SETBP1: variants seen among roughly 807,000 people sequenced by gnomAD.
SETBP1 encodes the protein SET binding protein 1.
A neutral mutation model predicts 101.0 loss-of-function variants in SETBP1; 9 were observed. The ratio of observed to expected loss-of-function variants is 0.09; its 90% CI spans 0.05 to 0.16. The LOEUF is 0.16. Among genes scored for constraint, SETBP1 ranks in the 10% least tolerant of loss-of-function variants. The pLI is 1.00. For missense variants in SETBP1, 1,858 were observed against 2,033.8 expected (o/e 0.91, Z 1.66); for synonymous variants, 818 against 788.5 (o/e 1.04, Z -0.63).
chr18:44,919,888 C>A lies in SETBP1; in HGVS notation c.541-29993C>A, dbSNP rs571074514. Among the ~76,000 whole-genome samples, 3 of 152,146 alleles carry A rather than the reference C, an allele frequency of 2.0e-5. No homozygotes were observed. The East Asian group carries it at 5.8e-4, about 29-fold the overall frequency. ...ATATATCTCTGTCTGTGTAAACACACACACATATAGATATAAACATAGTTT... is the reference window on the plus strand; with the variant it reads ...ATATATCTCTGTCTGTGTAAACACAAACACATATAGATATAAACATAGTTT... On this transcript the variant is annotated intron_variant, in intron 3 of 5. Transcript: ENST00000649279.
intron 4 of SETBP1, among the ~76,000 whole-genome samples, chr18:45,000,109 G>A (rs985672770): frequency 6.6e-6 from 1 of 152,246 alleles, no homozygotes; most frequent in Non-Finnish European, 1.5e-5. Flanking sequence ...TCATTGGCAT[G>A]AATGCCAACA....
chr18:44,702,217 G>A (rs1003214758), intron 2 of SETBP1, among the ~76,000 whole-genome samples: 4 of 152,274 alleles, frequency 2.6e-5, no homozygotes, highest in South Asian at 2.1e-4. Context: ...CATCCTCATC[G>A]TCTTCATGGT....
chr18:44,822,654 T>A (rs1261591593), intron 2 of SETBP1, among the ~76,000 whole-genome samples: 5 of 152,210 alleles, frequency 3.3e-5, no homozygotes, highest in Admixed American at 3.3e-4. Context: ...CTGCCTCCGC[T>A]AAAGATACTG....
chr18:44,936,591 G>T lies in SETBP1; in HGVS notation c.541-13290G>T, dbSNP rs1243256257. Among the ~76,000 whole-genome samples the T allele has an allele frequency of 2.0e-5, 3 of 152,272 alleles. No homozygotes were observed. In the East Asian group the frequency reaches 5.8e-4, roughly 29 times the overall value. ...ACCACGGGGAAGCCCCTGGAAGCCTGCTAAAAACAGCCATAGGAGGGGGTG... is the reference window on the plus strand; with the variant it reads ...ACCACGGGGAAGCCCCTGGAAGCCTTCTAAAAACAGCCATAGGAGGGGGTG... On this transcript the variant is annotated intron_variant, in intron 3 of 5. Coordinates refer to ENST00000649279, the MANE Select transcript of SETBP1 (RefSeq NM_015559.3).
intron 4 of SETBP1, among the ~76,000 whole-genome samples, chr18:44,993,445 TAA>T (rs2072423520): frequency 1.3e-5 from 2 of 152,034 alleles, no homozygotes; most frequent in South Asian, 2.1e-4. Flanking sequence ...AATAAAAGTA[TAA>T]GACTAAAAGT....
At chr18:44,997,297 C>G (rs143759558) in intron 4 of SETBP1, among the ~76,000 whole-genome samples, 2 of 152,120 alleles carry the variant, frequency 1.3e-5, no homozygotes, top group African/African-American at 4.8e-5. Flanking sequence ...CCTGCCATCT[C>G]GGGACTGCAC....
At chr18:44,741,237 G>C (rs1267046018) in intron 2 of SETBP1, among the ~76,000 whole-genome samples, 1 of 152,192 alleles carries the variant, frequency 6.6e-6, no homozygotes, top group Non-Finnish European at 1.5e-5. Flanking sequence ...GGTCCAGAGA[G>C]GAGATAGGCA....
At chr18:45,027,789 A>C (rs1009678902) in intron 4 of SETBP1, among the ~76,000 whole-genome samples, 1 of 152,190 alleles carries the variant, frequency 6.6e-6, no homozygotes, top group Non-Finnish European at 1.5e-5. Context: ...ACATAAATGC[A>C]TCATCTTTCA....
intron 3 of SETBP1, among the ~76,000 whole-genome samples, chr18:44,943,300 T>A (rs1568229580): frequency 6.6e-6 from 1 of 152,194 alleles, no homozygotes; most frequent in Non-Finnish European, 1.5e-5. Context: ...CTGTTGGGGG[T>A]TTAGGGGTTA....
chr18:44,754,084 C>A (rs2070443368), intron 2 of SETBP1, among the ~76,000 whole-genome samples: 1 of 152,200 alleles, frequency 6.6e-6, no homozygotes, highest in South Asian at 2.1e-4. Flanking sequence ...CAAACCAGTT[C>A]TATCCTCTGT....
chr18:45,046,021 G>T (rs2073605303), intron 5 of SETBP1, among the ~76,000 whole-genome samples: 1 of 151,752 alleles, frequency 6.6e-6, no homozygotes, highest in South Asian at 2.1e-4. Flanking sequence ...AGAACCACAA[G>T]GTCAAGTTGA....
intron 3 of SETBP1, among the ~76,000 whole-genome samples, chr18:44,912,077 T>G (rs1459774490): frequency 6.6e-6 from 1 of 152,160 alleles, no homozygotes; most frequent in Non-Finnish European, 1.5e-5. Flanking sequence ...TGGAGTCTGT[T>G]TCTGAGGGAA....
chr18:44,801,096 A>T (rs925933545), intron 2 of SETBP1, among the ~76,000 whole-genome samples: 3 of 152,154 alleles, frequency 2.0e-5, no homozygotes, highest in African/African-American at 7.2e-5. Flanking sequence ...ACACTTGGAC[A>T]TAGGAAGGGG....
chr18:44,889,559 T>C (rs1488050650), intron 3 of SETBP1, among the ~76,000 whole-genome samples: 6 of 152,070 alleles, frequency 3.9e-5, no homozygotes, highest in Non-Finnish European at 8.8e-5. Context: ...AAGGGAGTGG[T>C]GATGGTGTCT....
intron 2 of SETBP1, among the ~76,000 whole-genome samples, chr18:44,813,699 A>G (rs939216829): frequency 7.9e-5 from 12 of 152,242 alleles, no homozygotes; most frequent in African/African-American, 2.9e-4. Flanking sequence ...TCCAGCTTGT[A>G]TTCAGGAATT....
chr18:45,005,977 C>T (rs181547413), intron 4 of SETBP1, among the ~76,000 whole-genome samples: 1,467 of 99,172 alleles, frequency 0.015, 35 homozygotes, highest in African/African-American at 0.056. Context: ...TTTTTGAGAC[C>T]GAGTCTGACT....
At chr18:44,864,081 A>G (rs1403499238) in intron 2 of SETBP1, among the ~76,000 whole-genome samples, 1 of 152,152 alleles carries the variant, frequency 6.6e-6, no homozygotes, top group Non-Finnish European at 1.5e-5. Context: ...CAGAGGGGAC[A>G]TGACGTTTGT....
At position 45,067,560 on chromosome 18, in the gene SETBP1, C is replaced by T. The variant is rs1232732097; in HGVS notation, c.*3862C>T. On this transcript the variant is annotated 3_prime_UTR_variant, in exon 6 of 6. Coordinates refer to ENST00000649279, the MANE Select transcript of SETBP1 (RefSeq NM_015559.3). ...TTATGTAAAAGTAGATAAATATAGACGTTATTCTCAACACTACCCTATAGT... is the reference window on the plus strand; with the variant it reads ...TTATGTAAAAGTAGATAAATATAGATGTTATTCTCAACACTACCCTATAGT... The T allele has an allele frequency of 2.0e-5, 3 of 152,096 alleles. No homozygotes were observed. Among genetic ancestry groups the T allele is most frequent in the African/African-American group, 4.8e-5 (2 of 41,400 alleles). 9.4% of individuals were successfully genotyped at this position (152,096 alleles called of 1,614,324 possible).
chr18:45,021,925 T>C (rs536353607), intron 4 of SETBP1, among the ~76,000 whole-genome samples: 1 of 152,202 alleles, frequency 6.6e-6, no homozygotes, highest in South Asian at 2.1e-4. Flanking sequence ...GTCCAATAAA[T>C]GTTGAGGAAG....
Sources: allele counts gnomAD v4.1 joint callset (sites outside exome capture counted in the v4.1 genomes callset), GRCh38; gene constraint gnomAD v4.1.1; transcripts MANE v1.5; gene names NCBI Gene and HGNC (gene_info 2026-07-23, HGNC 2026-07-21).